Variants in LRRTM4 observed in about 807,000 individuals in gnomAD.
LRRTM4 encodes leucine rich repeat transmembrane neuronal 4.
A neutral mutation model predicts 47.6 loss-of-function variants in LRRTM4; 25 were observed. That is an observed-to-expected ratio of 0.53 (90% CI 0.38 to 0.73). The LOEUF (loss-of-function observed/expected upper bound fraction) is 0.73. Ranked by LOEUF, LRRTM4 falls within the 30% of genes least tolerant of loss-of-function variation. LRRTM4 has a pLI of 0.00. For synonymous variants in LRRTM4, 311 were observed against 269.5 expected, an observed-to-expected ratio of 1.15 and a Z score of -1.51; for missense variants, 638 against 713.4, an observed-to-expected ratio of 0.89 and a Z score of 1.20.
At chr2:76,982,314 A>G (rs1676638677) in intron 3 of LRRTM4, among the ~76,000 whole-genome samples, 1 of 152,050 alleles carries the variant, frequency 6.6e-6, no homozygotes. Context: ...CAAAACAACT[A>G]TATATTTCAC....
chr2:76,998,903 G>T (rs551400637), intron 3 of LRRTM4, among the ~76,000 whole-genome samples: 1 of 151,472 alleles, frequency 6.6e-6, no homozygotes, highest in South Asian at 2.1e-4. Context: ...ATAAATCAAC[G>T]TAATTAAACC....
intron 3 of LRRTM4, among the ~76,000 whole-genome samples, chr2:76,770,757 C>A (rs556256755): frequency 1.3e-5 from 2 of 152,252 alleles, no homozygotes; most frequent in South Asian, 4.1e-4. Flanking sequence ...AGGTCTTCTA[C>A]CCCCCAGTAG....
intron 3 of LRRTM4, among the ~76,000 whole-genome samples, chr2:77,449,385 T>C (rs372662789): frequency 3.2e-4 from 49 of 152,298 alleles, no homozygotes; most frequent in African/African-American, 9.6e-4. Context: ...ATACGAGAAT[T>C]GTGAAAAGTC....
chr2:77,488,319 G>A (rs1486649842), intron 3 of LRRTM4, among the ~76,000 whole-genome samples: 1 of 152,190 alleles, frequency 6.6e-6, no homozygotes, highest in Non-Finnish European at 1.5e-5. Flanking sequence ...GGAGCTGCCT[G>A]CCCTGTCGCA....
Position 77,093,630 on chromosome 2 carries a change from T to C in LRRTM4, c.1552-344714A>G, listed in dbSNP as rs188247415. Among the ~76,000 whole-genome samples the C allele has an allele frequency of 1.3e-3, 200 of 152,000 alleles. 3 individuals are homozygous for C. The highest frequency in any genetic ancestry group is 4.3e-3 in the African/African-American group (177 of 41,296). On this transcript the variant is annotated intron_variant, in intron 3 of 3. Transcript: ENST00000409884. ...GCTGCCCCAACACTTCAACACTATT[T>C]TGTTTTATTTTTCTTATTAATATAA... is the stretch of plus-strand genomic sequence containing the variant.
chr2:77,085,545 G>A (rs1277954109), intron 3 of LRRTM4, among the ~76,000 whole-genome samples: 1 of 151,906 alleles, frequency 6.6e-6, no homozygotes, highest in Non-Finnish European at 1.5e-5. Context: ...GTATTAAGAA[G>A]AGCAATGTGG....
intron 3 of LRRTM4, among the ~76,000 whole-genome samples, chr2:76,868,908 A>G (rs1573233492): frequency 6.6e-6 from 1 of 152,176 alleles, no homozygotes; most frequent in African/African-American, 2.4e-5. Context: ...TGGCCACCCT[A>G]TTAAAATTGC....
chr2:77,057,264 G>T (rs62170918), intron 3 of LRRTM4, among the ~76,000 whole-genome samples: 1 of 152,130 alleles, frequency 6.6e-6, no homozygotes, highest in Non-Finnish European at 1.5e-5. Flanking sequence ...ATAGGATAAA[G>T]TTTAGATAAT....
intron 3 of LRRTM4, among the ~76,000 whole-genome samples, chr2:77,189,556 C>T (rs1476186685): frequency 6.6e-6 from 1 of 152,078 alleles, no homozygotes; most frequent in African/African-American, 2.4e-5. Context: ...AGCTCTCTTT[C>T]TGTCAGATGA....
intron 3 of LRRTM4, among the ~76,000 whole-genome samples, chr2:77,379,952 A>G (rs1672988408): frequency 6.6e-6 from 1 of 152,106 alleles, no homozygotes; most frequent in Non-Finnish European, 1.5e-5. Context: ...TCATAACAAC[A>G]TATTTATTGC....
At chr2:76,827,550 T>G (rs548331694) in intron 3 of LRRTM4, among the ~76,000 whole-genome samples, 4 of 152,022 alleles carry the variant, frequency 2.6e-5, no homozygotes, top group African/African-American at 9.6e-5. Context: ...TCTTAATGAA[T>G]TGACATGTAT....
intron 3 of LRRTM4, among the ~76,000 whole-genome samples, chr2:77,509,270 T>C (rs1423307927): frequency 6.6e-6 from 1 of 150,834 alleles, no homozygotes; most frequent in Non-Finnish European, 1.5e-5. Context: ...AAACAAACTG[T>C]TTCTGCTTAT....
At chr2:77,237,167 ATTTTT>A (rs34136416) in intron 3 of LRRTM4, among the ~76,000 whole-genome samples, 1 of 141,188 alleles carries the variant, frequency 7.1e-6, no homozygotes, top group African/African-American at 2.6e-5. Context: ...TTGTTGGGGG[ATTTTT>A]TTTTTTTTTG....
intron 3 of LRRTM4, among the ~76,000 whole-genome samples, chr2:76,974,151 C>CATATATATAT (rs1676317584): frequency 4.5e-5 from 6 of 133,744 alleles, no homozygotes; most frequent in African/African-American, 1.8e-4. Context: ...CATATATATA[C>CATATATATAT]ATACATATAT....
intron 3 of LRRTM4, among the ~76,000 whole-genome samples, chr2:77,138,642 T>C (rs551697736): frequency 2.0e-5 from 3 of 152,040 alleles, no homozygotes; most frequent in African/African-American, 7.2e-5. Flanking sequence ...CTGAAGGAGA[T>C]AGAGATATAA....
intron 3 of LRRTM4, among the ~76,000 whole-genome samples, chr2:77,303,010 T>G (rs943301822): frequency 2.7e-5 from 4 of 145,982 alleles, no homozygotes; most frequent in African/African-American, 1.1e-4. Flanking sequence ...AATAAAAAGA[T>G]CTATCTACTA....
intron 3 of LRRTM4, among the ~76,000 whole-genome samples, chr2:77,053,392 T>C (rs753310861): frequency 3.3e-5 from 5 of 152,112 alleles, no homozygotes; most frequent in Non-Finnish European, 5.9e-5. Context: ...TGAAGCATAG[T>C]AGAACAAAGT....
intron 3 of LRRTM4, among the ~76,000 whole-genome samples, chr2:77,403,104 T>C (rs1674026560): frequency 6.6e-6 from 1 of 151,714 alleles, no homozygotes. Flanking sequence ...AATTATGCCA[T>C]TTTTGTGCTG....
chr2:76,973,656 A>G (rs1184074193), intron 3 of LRRTM4, among the ~76,000 whole-genome samples: 1 of 151,966 alleles, frequency 6.6e-6, no homozygotes, highest in Non-Finnish European at 1.5e-5. Context: ...TTTTTATTCT[A>G]TCAGTGCTAA....
Sources: gnomAD v4.1 joint callset for allele counts (sites outside exome capture counted in the v4.1 genomes callset) on GRCh38, gnomAD v4.1.1 for gene constraint, MANE v1.5 for transcripts, NCBI Gene and HGNC (gene_info 2026-07-23, HGNC 2026-07-21) for gene names.